LCP2: variants seen among roughly 807,000 people sequenced by gnomAD.
LCP2 encodes 76 kDa tyrosine phosphoprotein.
A neutral mutation model predicts 74.5 loss-of-function variants in LCP2; 29 were observed. The observed-to-expected ratio is 0.39, with a 90% confidence interval of 0.29 to 0.53. The LOEUF (loss-of-function observed/expected upper bound fraction) is 0.53. LCP2 is among the 20% of genes least tolerant of loss of function. The pLI is 0.72. For missense variants in LCP2, 604 were observed against 634.6 expected (o/e 0.95, Z 0.52); for synonymous variants, 228 against 229.5 (o/e 0.99, Z 0.06).
At chr5:170,251,000 A>C in intron 19 of LCP2, 115 bp from the exon 20 acceptor site, 2 of 741,106 alleles carry the variant, frequency 2.7e-6, no homozygotes, top group Non-Finnish European at 2.2e-6. Flanking sequence ...TGCACTTTGC[A>C]GCTTCTTGAG....
intron 14 of LCP2, 47 bp downstream of exon 14, chr5:170,261,059 CT>C (rs747160152): frequency 2.8e-6 from 4 of 1,442,998 alleles, no homozygotes; most frequent in Non-Finnish European, 3.9e-6. Flanking sequence ...AGAGCCTATG[CT>C]TCTTTTCCCT....
chr5:170,296,854 C>T (rs2113222905), intron 1 of LCP2, among the ~76,000 whole-genome samples: 1 of 152,320 alleles, frequency 6.6e-6, no homozygotes, highest in Middle Eastern at 3.4e-3. Context: ...GGGCTCACAT[C>T]AGTTTTCTGT....
At chr5:170,287,710 A>G in intron 3 of LCP2, 1 of 534,070 alleles carries the variant, frequency 1.9e-6, no homozygotes, top group Non-Finnish European at 3.4e-6. Context: ...ATGAGAAGAG[A>G]GGAAATGAAA....
At chr5:170,289,687 T>C (rs143307222) in intron 2 of LCP2, among the ~76,000 whole-genome samples, 15,089 of 84,740 alleles carry the variant, frequency 0.18, 1,086 homozygotes, top group Middle Eastern at 0.27. Context: ...CTCTCTCTCT[T>C]TCTTTCTTTC....
At chr5:170,297,503 T>C (rs774872712) in intron 1 of LCP2, 31 bp downstream of exon 1, 1 of 1,596,080 alleles carries the variant, frequency 6.3e-7, no homozygotes, top group South Asian at 1.1e-5. Context: ...GGCACTAGCA[T>C]CATGACCATT....
Position 170,270,926 on chromosome 5 carries a change from A to G in LCP2, c.325-9T>C. The G allele has an allele frequency of 6.2e-7, 1 of 1,609,692 alleles. No homozygotes were observed. Among genetic ancestry groups the G allele is most frequent in the Non-Finnish European group, 8.5e-7 (1 of 1,177,816 alleles). ...TCATAATCGTCTTCTTCCTGCCCAC[A>G]CAGTGATAGGGACAGTGCAGTTTGT... On this transcript the variant is annotated splice_polypyrimidine_tract_variant and intron_variant, in intron 6 of 20. Coordinates refer to ENST00000046794, the MANE Select transcript of LCP2 (RefSeq NM_005565.5).
At chr5:170,261,039 C>A (rs536051385) in intron 14 of LCP2, 68 bp downstream of exon 14, 16 of 1,250,434 alleles carry the variant, frequency 1.3e-5, no homozygotes, top group African/African-American at 1.2e-4. Flanking sequence ...GATGGAGTCC[C>A]AACCTCCTAA....
chr5:170,283,463 C>G (rs1156981395), intron 3 of LCP2, among the ~76,000 whole-genome samples: 1 of 152,166 alleles, frequency 6.6e-6, no homozygotes, highest in Non-Finnish European at 1.5e-5. Context: ...TCTCTTCCAT[C>G]CCCCCATCTT....
Position 170,256,533 on chromosome 5 carries a change from G to A in LCP2, c.1143C>T (p.Phe381=). The change falls in exon 17 of 21, where the codon TTC becomes TTT. Residue 381 remains phenylalanine, a synonymous_variant. Coordinates refer to ENST00000046794, the MANE Select transcript of LCP2 (RefSeq NM_005565.5). The surrounding 1 kb of genome is among the most constrained non-coding windows in gnomAD (Gnocchi z 4.5). ...FPQSASLPPY[F]SQGPSNRPPI... The stretch of plus-strand genomic sequence containing the variant: ...AAAGCCCAGAGTACAAACCTTGAGA[G>A]AAGTATGGTGGCAGGGAGGCACTCT... The A allele has an allele frequency of 1.2e-6, 2 of 1,612,898 alleles. No homozygotes were observed. The highest frequency in any genetic ancestry group is 2.2e-5 in the South Asian group (2 of 91,066).
At position 170,275,809 on chromosome 5, in the gene LCP2, G is replaced by C; in HGVS notation, c.240C>G (p.Ser80Arg). 1 of 1,580,378 alleles carries C rather than the reference G, an allele frequency of 6.3e-7. No homozygotes were observed. Among genetic ancestry groups the C allele is most frequent in the Non-Finnish European group, 8.6e-7 (1 of 1,160,750 alleles). ...GCCGCACTCACTTGCGTGTGAAGAT[G>C]CTCCTCCTCTCTTCGTTCTTGTTGA... ...QEINKNEERR[S>R]IFTRKPQVPR... The change falls in exon 4 of 21, where the codon AGC (serine) becomes AGG (arginine). Residue 80 changes from serine to arginine, a missense_variant. Coordinates refer to ENST00000046794, the MANE Select transcript of LCP2 (RefSeq NM_005565.5).
chr5:170,290,952 AAAAG>A (rs201112309), intron 2 of LCP2, among the ~76,000 whole-genome samples: 11,376 of 116,348 alleles, frequency 0.098, 549 homozygotes, highest in Admixed American at 0.13. Context: ...AGAAAGAAAG[AAAAG>A]AAAGAAAGAA....
chr5:170,295,573 G>C (rs1762362770), intron 1 of LCP2, among the ~76,000 whole-genome samples: 1 of 152,228 alleles, frequency 6.6e-6, no homozygotes, highest in Non-Finnish European at 1.5e-5. Flanking sequence ...GCTGAGTCGA[G>C]AGCTGTCTCC....
intron 18 of LCP2, 171 bp from the exon 19 acceptor site, chr5:170,252,682 G>T (rs1204606657): frequency 1.8e-6 from 1 of 557,360 alleles, no homozygotes; most frequent in Non-Finnish European, 3.2e-6. Flanking sequence ...CTAAATAGAA[G>T]ATATTTTGTG....
chr5:170,266,886 C>G lies in LCP2; in HGVS notation c.694G>C (p.Ala232Pro). The change falls in exon 10 of 21, where the codon GCT becomes CCT. Residue 232 changes from alanine to proline, a missense_variant. Transcript: ENST00000046794. Reference protein sequence around the residue: ...SRNHKTAKLPAPSIDRSTKPP... With the variant: ...SRNHKTAKLPPPSIDRSTKPP... The stretch of plus-strand genomic sequence containing the variant: ...TTCGTGCTTCTGTCTATTGAAGGAG[C>G]AGGGACTGGAAGGGGAAAAGGCTGA... The G allele has an allele frequency of 1.2e-6, 2 of 1,613,692 alleles. No homozygotes were observed. Among genetic ancestry groups the G allele is most frequent in the Non-Finnish European group, 1.7e-6 (2 of 1,179,758 alleles).
At chr5:170,277,074 TAAAAAAA>T (rs750930541) in intron 3 of LCP2, among the ~76,000 whole-genome samples, 2 of 91,134 alleles carry the variant, frequency 2.2e-5, no homozygotes, top group Admixed American at 1.3e-4. Context: ...GACTCCATCT[TAAAAAAA>T]AAAAAAAAAA....
At position 170,246,651 on chromosome 5, in the gene LCP2, T is replaced by C. The variant is rs1397104094; in HGVS notation, c.*2046A>G. ...GCAGGCAGCTCCAAGTGTACAGCAT[T>C]GCCTTTGGGGACCCCAGATAAAAGA... is the stretch of plus-strand genomic sequence containing the variant. On this transcript the variant is annotated 3_prime_UTR_variant, in exon 21 of 21. Coordinates refer to ENST00000046794, the MANE Select transcript of LCP2 (RefSeq NM_005565.5). 1.3e-5 allele frequency: 2 copies of C among 152,886 alleles called. No individual in the cohort carries two copies. The highest frequency in any genetic ancestry group is 2.9e-5 in the Non-Finnish European group (2 of 68,592). The allele number at this position is 152,886 out of a possible 1,614,324, so 9.5% of individuals were successfully genotyped here. A position where few individuals can be genotyped will look rare whatever the true frequency, so the allele number is the denominator to read the frequency against.
Position 170,247,203 on chromosome 5 carries a change from G to T in LCP2, c.*1494C>A, listed in dbSNP as rs543434858. ...TAAGTAAATACTTGCTGAATAGCCC[G>T]TTGTGTAGACGTGTAAATGAATGCA... On this transcript the variant is annotated 3_prime_UTR_variant, in exon 21 of 21. Coordinates refer to ENST00000046794, the MANE Select transcript of LCP2 (RefSeq NM_005565.5). 2 of 152,152 alleles carry T rather than the reference G, an allele frequency of 1.3e-5. No homozygotes were observed. The highest frequency in any genetic ancestry group is 3.9e-4 in the East Asian group (2 of 5,192). The allele number at this position is 152,152 out of a possible 1,614,324, so 9.4% of individuals were successfully genotyped here.
chr5:170,283,142 T>G (rs1264981466), intron 3 of LCP2, among the ~76,000 whole-genome samples: 2 of 152,198 alleles, frequency 1.3e-5, no homozygotes, highest in East Asian at 3.8e-4. Context: ...TAACCCTTCA[T>G]GTTCTATGGG....
intron 17 of LCP2, among the ~76,000 whole-genome samples, chr5:170,254,545 T>C (rs2046848663): frequency 6.6e-6 from 1 of 152,234 alleles, no homozygotes; most frequent in South Asian, 2.1e-4. Context: ...GAGCTGCCAG[T>C]GCCTTCCTTC....
Sources: gnomAD v4.1 joint callset for allele counts (sites outside exome capture counted in the v4.1 genomes callset) on GRCh38, gnomAD v4.1.1 for gene constraint, Gnocchi (gnomAD v3.1) non-coding constraint, MANE v1.5 for transcripts, NCBI Gene and HGNC (gene_info 2026-07-23, HGNC 2026-07-21) for gene names.